CA6: variants seen among roughly 807,000 people sequenced by gnomAD.
CA6 encodes the protein carbonate dehydratase VI.
In CA6, 28 loss-of-function variants were observed where a neutral mutation model predicts 35.9. That is an observed-to-expected ratio of 0.78 (90% CI 0.58 to 1.07). CA6 has a LOEUF of 1.07. CA6 is among the 50% of genes least tolerant of loss of function. The pLI is 0.00. For missense variants in CA6, 377 were observed against 382.0 expected, an observed-to-expected ratio of 0.99 and a Z score of 0.11; for synonymous variants, 148 against 152.6, an observed-to-expected ratio of 0.97 and a Z score of 0.22.
intron 6 of CA6, among the ~76,000 whole-genome samples, chr1:8,969,236 A>C (rs189846352): frequency 6.6e-6 from 1 of 151,608 alleles, no homozygotes; most frequent in African/African-American, 2.4e-5. Flanking sequence ...AATCGCTTGA[A>C]CCCAGGAGGC....
chr1:8,965,137 G>A (rs1010885901), intron 5 of CA6, among the ~76,000 whole-genome samples: 11 of 152,058 alleles, frequency 7.2e-5, no homozygotes, highest in Non-Finnish European at 1.3e-4. Context: ...CCAGTTACTC[G>A]GAAGGCTGAG....
intron 5 of CA6, among the ~76,000 whole-genome samples, chr1:8,962,904 G>A (rs912849117): frequency 3.3e-5 from 5 of 152,190 alleles, no homozygotes; most frequent in African/African-American, 1.2e-4. Context: ...TGGAACTTCT[G>A]ACTGGAGTTG....
chr1:8,974,100 C>T (rs997578396), intron 7 of CA6, among the ~76,000 whole-genome samples: 9 of 152,148 alleles, frequency 5.9e-5, no homozygotes, highest in South Asian at 2.1e-4. Flanking sequence ...GCTGGGATTA[C>T]AGGCATGAGC....
chr1:8,974,284 A>T, intron 7 of CA6: 1 of 1,144,902 alleles, frequency 8.7e-7, no homozygotes. Context: ...TACAAAAACA[A>T]GACGATGGCC....
At chr1:8,950,130 C>G (rs952901500) in intron 2 of CA6, among the ~76,000 whole-genome samples, 1 of 150,418 alleles carries the variant, frequency 6.6e-6, no homozygotes, top group African/African-American at 2.5e-5. Flanking sequence ...CAGGCATGCA[C>G]CACCATGCCC....
In CA6 at chr1:8,955,613, C is replaced by CTT. The variant is rs200612239; in HGVS notation, c.260-1523_260-1522dup. 8.3e-3 allele frequency among the ~76,000 whole-genome samples: 1,260 copies of CTT among 152,152 alleles called. 13 individuals carry two copies. Among genetic ancestry groups the CTT allele is most frequent in the Middle Eastern group, 0.027 (8 of 294 alleles). ...CCCGTCTGCTTTCAGCATCACTGAC[C>CTT]TTGCACGCCTCCTTTTAAGGCCCTT... On this transcript the variant is annotated intron_variant, in intron 2 of 7. Coordinates refer to ENST00000377443, the MANE Select transcript of CA6 (RefSeq NM_001215.4).
chr1:8,952,817 T>C (rs1639574779), intron 2 of CA6, among the ~76,000 whole-genome samples: 1 of 151,840 alleles, frequency 6.6e-6, no homozygotes, highest in South Asian at 2.1e-4. Flanking sequence ...CCACCACGCC[T>C]GGCTAATTTT....
chr1:8,974,519 C>G, intron 7 of CA6, 103 bp from the exon 8 acceptor site: 1 of 1,431,584 alleles, frequency 7.0e-7, no homozygotes, highest in South Asian at 1.3e-5. Context: ...CAAAAGACTT[C>G]CCAAAAATAC....
At chr1:8,971,311 CTTT>C (rs1254140549) in intron 7 of CA6, among the ~76,000 whole-genome samples, 2 of 137,892 alleles carry the variant, frequency 1.5e-5, no homozygotes, top group Admixed American at 7.4e-5. Flanking sequence ...TCAAGTTAAC[CTTT>C]TTTTTTTTTT....
At chr1:8,973,618 C>A (rs1640163716) in intron 7 of CA6, among the ~76,000 whole-genome samples, 2 of 152,152 alleles carry the variant, frequency 1.3e-5, no homozygotes, top group Admixed American at 1.3e-4. Context: ...CCCCAGGGAA[C>A]CCGAATTGTG....
At chr1:8,960,789 C>CACACACACACATATATATATATAT (rs59987426) in intron 4 of CA6, among the ~76,000 whole-genome samples, 1 of 116,878 alleles carries the variant, frequency 8.6e-6, no homozygotes. Context: ...CACACACACA[C>CACACACACACATATATATATATAT]ATATATATAA....
At chr1:8,968,054 G>A (rs111882205) in intron 6 of CA6, among the ~76,000 whole-genome samples, 3,460 of 136,662 alleles carry the variant, frequency 0.025, 154 homozygotes, top group African/African-American at 0.091. Flanking sequence ...TGCAACCTCC[G>A]CCTCCCAGGT....
intron 1 of CA6, 77 bp downstream of exon 1, chr1:8,946,042 C>CT (rs879044243): frequency 0.018 from 12,093 of 669,282 alleles, 26 homozygotes; most frequent in African/African-American, 0.036. Context: ...TCTTCTTCTT[C>CT]TTTTTTTTTT....
At chr1:8,974,331 G>A (rs1378871231) in intron 7 of CA6, 37 of 1,438,882 alleles carry the variant, frequency 2.6e-5, no homozygotes, top group Non-Finnish European at 3.4e-5. Context: ...ACTAGAAAAC[G>A]CCTATATCCC....
chr1:8,950,547 T>A (rs537064330), intron 2 of CA6, among the ~76,000 whole-genome samples: 1 of 151,992 alleles, frequency 6.6e-6, no homozygotes, highest in African/African-American at 2.4e-5. Context: ...TTGAGATACA[T>A]CCCTGCCTGC....
chr1:8,974,644 C>T lies in CA6; in HGVS notation c.867C>T (p.Phe289=), dbSNP rs147408666. ...CAGAATACACTCTAGGCTCTGAATTCCAGTTTTACCTACATAAGATTGAGG... is the reference window on the plus strand; with the variant it reads ...CAGAATACACTCTAGGCTCTGAATTTCAGTTTTACCTACATAAGATTGAGG... The part of the protein sequence containing the change: ...PNQEYTLGSE[F]QFYLHKIEEI... Residue 289 remains phenylalanine, a synonymous_variant, in exon 8 of 8, where the codon TTC becomes TTT. Transcript: ENST00000377443. 9.8e-5 allele frequency: 158 copies of T among 1,607,140 alleles called. No homozygotes were observed. Among genetic ancestry groups the T allele is most frequent in the Middle Eastern group, 8.3e-4 (5 of 6,048 alleles).
Position 8,970,994 on chromosome 1 carries a change from G to A in CA6, c.844+13G>A, listed in dbSNP as rs4908799. 5,802 of 1,523,670 alleles carry A rather than the reference G, an allele frequency of 3.8e-3. 24 individuals carry two copies. Among genetic ancestry groups the A allele is most frequent in the Admixed American group, 5.3e-3 (319 of 59,894 alleles). 94.4% of individuals were successfully genotyped at this position (1,523,670 alleles called of 1,614,324 possible). On this transcript the variant is annotated intron_variant, in intron 7 of 7. Transcript: ENST00000377443. ...TTCCCGAATCAGGGTGAGTGAGACCGACTCTTGATCATGCTCTGCAGTTTA... is the reference window on the plus strand; with the variant it reads ...TTCCCGAATCAGGGTGAGTGAGACCAACTCTTGATCATGCTCTGCAGTTTA...
At chr1:8,967,617 G>C in intron 5 of CA6, 42 bp from the exon 6 acceptor site, 1 of 1,592,014 alleles carries the variant, frequency 6.3e-7, no homozygotes, top group Non-Finnish European at 8.6e-7. Context: ...GAGGGGCAGC[G>C]CTGGTCCCTG....
chr1:8,961,233 G>A (rs1306245696), intron 4 of CA6, among the ~76,000 whole-genome samples: 4 of 152,066 alleles, frequency 2.6e-5, no homozygotes, highest in South Asian at 4.2e-4. Flanking sequence ...AATACCAGAC[G>A]GTTAACTCCG....
Sources: allele counts gnomAD v4.1 joint callset (sites outside exome capture counted in the v4.1 genomes callset), GRCh38; gene constraint gnomAD v4.1.1; transcripts MANE v1.5; gene names NCBI Gene and HGNC (gene_info 2026-07-23, HGNC 2026-07-21).